The following PDE4D variants were observed in gnomAD, a reference collection of about 807,000 sequenced individuals.
PDE4D encodes the protein 3',5'-cyclic-AMP phosphodiesterase 4D.
A neutral mutation model predicts 87.4 loss-of-function variants in PDE4D; 24 were observed. The ratio of observed to expected loss-of-function variants is 0.27; its 90% CI spans 0.20 to 0.39. The LOEUF is 0.39. PDE4D is among the 10% of genes least tolerant of loss of function. The pLI, the probability that PDE4D is intolerant of heterozygous loss-of-function variation, is 1.00. For synonymous variants in PDE4D, 384 were observed against 383.2 expected, an observed-to-expected ratio of 1.00 and a Z score of -0.02; for missense variants, 714 against 1,041.0, an observed-to-expected ratio of 0.69 and a Z score of 4.32.
intron 2 of PDE4D, among the ~76,000 whole-genome samples, chr5:60,028,419 C>A (rs974934991): frequency 2.6e-5 from 4 of 152,184 alleles, no homozygotes; most frequent in African/African-American, 9.7e-5. Context: ...TCTACAGCCA[C>A]TATCCTGGGT....
intron 1 of PDE4D, among the ~76,000 whole-genome samples, chr5:59,616,680 T>G (rs1039746049): frequency 2.6e-5 from 4 of 151,972 alleles, no homozygotes; most frequent in African/African-American, 9.7e-5. Flanking sequence ...AAAAGTAAAC[T>G]GCTAAAGATA....
intron 2 of PDE4D, among the ~76,000 whole-genome samples, chr5:60,159,070 A>G (rs1782250775): frequency 6.6e-6 from 1 of 152,148 alleles, no homozygotes; most frequent in Non-Finnish European, 1.5e-5. Context: ...AGTTTTTTCT[A>G]GCTTTTTAAA....
At chr5:59,617,701 T>C (rs144645236) in intron 1 of PDE4D, among the ~76,000 whole-genome samples, 13 of 152,262 alleles carry the variant, frequency 8.5e-5, no homozygotes, top group African/African-American at 3.1e-4. Flanking sequence ...ACTGGAACAG[T>C]TCCTTCCCTA....
At chr5:60,315,096 CCAA>C (rs1755435387) in intron 1 of PDE4D, among the ~76,000 whole-genome samples, 1 of 152,158 alleles carries the variant, frequency 6.6e-6, no homozygotes, top group Non-Finnish European at 1.5e-5. Flanking sequence ...GTTTACAATC[CCAA>C]CAACAGTGTA....
intron 2 of PDE4D, among the ~76,000 whole-genome samples, chr5:60,094,677 C>A (rs1037246332): frequency 2.3e-5 from 3 of 131,580 alleles, no homozygotes; most frequent in South Asian, 2.5e-4. Context: ...AAGAGACATA[C>A]AGGGAAGGAA....
chr5:59,935,612 T>C (rs929207112), intron 3 of PDE4D, among the ~76,000 whole-genome samples: 4 of 152,140 alleles, frequency 2.6e-5, no homozygotes, highest in African/African-American at 7.2e-5. Context: ...TTTTAGTGAA[T>C]ACAAAAATGG....
intron 2 of PDE4D, among the ~76,000 whole-genome samples, chr5:60,095,913 T>A (rs1775630329): frequency 6.6e-6 from 1 of 152,178 alleles, no homozygotes; most frequent in Non-Finnish European, 1.5e-5. Flanking sequence ...TCTGTTTATA[T>A]CCTTCACCCT....
At chr5:60,521,251 C>T (rs1440202259) in intron 1 of PDE4D, 2 of 152,178 alleles carry the variant, frequency 1.3e-5, no homozygotes, top group Admixed American at 6.5e-5. Flanking sequence ...TAGTAAATGA[C>T]TCCCCAGGAG....
chr5:60,422,142 T>A (rs1259760540), intron 1 of PDE4D, among the ~76,000 whole-genome samples: 1 of 152,170 alleles, frequency 6.6e-6, no homozygotes, highest in Non-Finnish European at 1.5e-5. Context: ...CCACAAGAAC[T>A]TCCCCAAACT....
At chr5:60,100,006 T>G (rs1582646993) in intron 2 of PDE4D, among the ~76,000 whole-genome samples, 1 of 151,952 alleles carries the variant, frequency 6.6e-6, no homozygotes, top group Non-Finnish European at 1.5e-5. Flanking sequence ...AAATATTCCC[T>G]GATAAGAATT....
rs376239069 is a variant in PDE4D, at chr5:59,395,290, G to A, written c.456-179322C>T. ...AACTCTGGGGGCAGGGCAGGGCACA[G>A]ACAAACAAAAAGACAGCAGTAACCT... On this transcript the variant is annotated intron_variant, in intron 1 of 14. Transcript: ENST00000340635. Among the ~76,000 whole-genome samples, 6 of 152,200 alleles carry A rather than the reference G, an allele frequency of 3.9e-5. No individual in the cohort carries two copies. The East Asian group carries it at 9.7e-4, about 25-fold the overall frequency.
intron 1 of PDE4D, among the ~76,000 whole-genome samples, chr5:60,261,218 C>T (rs945029523): frequency 2.0e-5 from 3 of 152,074 alleles, no homozygotes; most frequent in Admixed American, 2.0e-4. Flanking sequence ...ATTTCTTGAT[C>T]AAATTAGAAA....
At chr5:60,118,224 G>A (rs1237555042) in intron 2 of PDE4D, among the ~76,000 whole-genome samples, 5 of 152,000 alleles carry the variant, frequency 3.3e-5, no homozygotes, top group Non-Finnish European at 5.9e-5. Flanking sequence ...ATCCTGAACT[G>A]ATCACTGCAA....
At chr5:59,930,234 T>A (rs1471729394) in intron 3 of PDE4D, among the ~76,000 whole-genome samples, 1 of 151,786 alleles carries the variant, frequency 6.6e-6, no homozygotes, top group Non-Finnish European at 1.5e-5. Context: ...AATGTGAACT[T>A]ATTTGGAAAA....
At chr5:59,128,513 T>C (rs1775826308) in intron 5 of PDE4D, among the ~76,000 whole-genome samples, 1 of 152,148 alleles carries the variant, frequency 6.6e-6, no homozygotes, top group Non-Finnish European at 1.5e-5. Flanking sequence ...ATGATGAACT[T>C]TCTCCATTTA....
intron 1 of PDE4D, among the ~76,000 whole-genome samples, chr5:59,291,062 T>A (rs1279356596): frequency 6.6e-6 from 1 of 152,024 alleles, no homozygotes; most frequent in Admixed American, 6.6e-5. Flanking sequence ...CCATATGATC[T>A]AGCAATCCCA....
chr5:59,781,700 G>A (rs1292339638), intron 1 of PDE4D, among the ~76,000 whole-genome samples: 2 of 142,496 alleles, frequency 1.4e-5, no homozygotes, highest in African/African-American at 5.2e-5. Flanking sequence ...GCAGAGAATC[G>A]CTTGAATCCA....
chr5:59,401,777 C>G (rs571289855), intron 1 of PDE4D, among the ~76,000 whole-genome samples: 2 of 152,288 alleles, frequency 1.3e-5, no homozygotes, highest in African/African-American at 4.8e-5. Context: ...TGCCGCTCAG[C>G]AAGGGAACTG....
At chr5:60,472,856 AT>A (rs1260626868) in intron 1 of PDE4D, among the ~76,000 whole-genome samples, 1 of 152,164 alleles carries the variant, frequency 6.6e-6, no homozygotes, top group African/African-American at 2.4e-5. Context: ...TTATTACATG[AT>A]TTACATTAGG....
Sources: allele counts gnomAD v4.1 joint callset (sites outside exome capture counted in the v4.1 genomes callset), GRCh38; gene constraint gnomAD v4.1.1; transcripts MANE v1.5; gene names NCBI Gene and HGNC (gene_info 2026-07-23, HGNC 2026-07-21).